Variants in LRP6 observed in about 807,000 individuals in gnomAD.
LRP6 encodes the protein low-density lipoprotein receptor-related protein 6.
In LRP6, 43 loss-of-function variants were observed where a neutral mutation model predicts 184.1. The observed-to-expected ratio is 0.23, with a 90% CI of 0.18 to 0.30. The LOEUF is 0.30. Ranked by LOEUF, LRP6 falls within the 10% of genes least tolerant of loss-of-function variation. The pLI, the probability that LRP6 is intolerant of heterozygous loss-of-function variation, is 1.00. For missense variants in LRP6, 1,571 were observed against 2,005.3 expected, an observed-to-expected ratio of 0.78 and a Z score of 4.14; for synonymous variants, 719 against 684.9, an observed-to-expected ratio of 1.05 and a Z score of -0.78.
intron 2 of LRP6, among the ~76,000 whole-genome samples, chr12:12,230,437 T>G (rs1446403800): frequency 1.3e-5 from 2 of 152,266 alleles, no homozygotes; most frequent in East Asian, 3.9e-4. Flanking sequence ...ACTAAAGGGA[T>G]GAAATTTCAC....
At chr12:12,135,563 G>C (rs1475758686) in intron 16 of LRP6, among the ~76,000 whole-genome samples, 1 of 150,400 alleles carries the variant, frequency 6.6e-6, no homozygotes, top group Non-Finnish European at 1.5e-5. Flanking sequence ...GTGTGATCTT[G>C]GCTCACTGCA....
In LRP6 at chr12:12,147,481, C is replaced by T; in HGVS notation, c.3282G>A (p.Glu1094=). 27 of 1,614,052 alleles carry T rather than the reference C, an allele frequency of 1.7e-5. No homozygotes were observed. The highest frequency in any genetic ancestry group is 2.2e-5 in the Non-Finnish European group (26 of 1,180,002). Residue 1094 remains glutamate, a synonymous_variant, in exon 15 of 23, where the codon GAG becomes GAA. Coordinates refer to ENST00000261349, the MANE Select transcript of LRP6 (RefSeq NM_002336.3). Reference sequence around the variant, plus strand: ...TACTTAAGCCACTGAAAAAGAGGACCTCCCGTTCTGTCCCATCCAAAGCAG... The same window carrying T: ...TACTTAAGCCACTGAAAAAGAGGACTTCCCGTTCTGTCCCATCCAAAGCAG... ...ERAALDGTER[E]VLFFSGLSKP... is the part of the protein sequence containing the mutation.
chr12:12,220,842 C>T (rs368061372), intron 2 of LRP6, among the ~76,000 whole-genome samples: 3 of 152,140 alleles, frequency 2.0e-5, no homozygotes, highest in African/African-American at 7.2e-5. Context: ...TAAAGTGATC[C>T]GCCCACCTCA....
At chr12:12,130,564 T>G (rs1276517100) in intron 19 of LRP6, among the ~76,000 whole-genome samples, 1 of 152,228 alleles carries the variant, frequency 6.6e-6, no homozygotes, top group South Asian at 2.1e-4. Flanking sequence ...TTCTAGTGCT[T>G]TACTAAATGT....
At chr12:12,243,907 C>T (rs550891474) in intron 2 of LRP6, among the ~76,000 whole-genome samples, 4 of 152,238 alleles carry the variant, frequency 2.6e-5, no homozygotes, top group South Asian at 2.1e-4. Context: ...TGCGCCACTA[C>T]GCCCAGCTAA....
intron 2 of LRP6, among the ~76,000 whole-genome samples, chr12:12,219,972 A>G (rs1020251150): frequency 1.1e-4 from 16 of 152,152 alleles, no homozygotes; most frequent in African/African-American, 3.9e-4. Flanking sequence ...AGCAACAGCT[A>G]ATTTACTCCA....
chr12:12,129,839 C>A (rs1446902058), intron 19 of LRP6, among the ~76,000 whole-genome samples: 3 of 152,240 alleles, frequency 2.0e-5, no homozygotes, highest in African/African-American at 4.8e-5. Context: ...TGTGAGCCAG[C>A]GCACTGGCAC....
intron 9 of LRP6, among the ~76,000 whole-genome samples, chr12:12,163,209 C>T (rs1862783338): frequency 2.6e-5 from 4 of 152,130 alleles, no homozygotes; most frequent in Non-Finnish European, 5.9e-5. Flanking sequence ...CTCGTGACCT[C>T]AGGTGATCCA....
chr12:12,130,254 T>C (rs554683460), intron 19 of LRP6, among the ~76,000 whole-genome samples: 2 of 151,052 alleles, frequency 1.3e-5, no homozygotes, highest in Non-Finnish European at 3.0e-5. Flanking sequence ...TGGTGTGATC[T>C]CGGCTCAATG....
intron 7 of LRP6, among the ~76,000 whole-genome samples, chr12:12,179,295 T>A (rs1318603787): frequency 6.6e-6 from 1 of 152,212 alleles, no homozygotes; most frequent in East Asian, 1.9e-4. Context: ...TAAAATTGTT[T>A]GCATGTAACC....
In LRP6 at chr12:12,124,618, G is replaced by A. The variant is rs1345564585; in HGVS notation, c.4494C>T (p.Tyr1498=). The A allele has an allele frequency of 5.0e-6, 8 of 1,613,788 alleles. No homozygotes were observed. Among genetic ancestry groups the A allele is most frequent in the Non-Finnish European group, 6.8e-6 (8 of 1,179,738 alleles). The change falls in exon 22 of 23, where the codon TAC becomes TAT. Residue 1498 remains tyrosine (Y), a synonymous_variant. Coordinates refer to ENST00000261349, the MANE Select transcript of LRP6 (RefSeq NM_002336.3). ...PPSPATERSH[Y]TMEFGYSSNS... ...TTGAAGAATATCCAAATTCCATAGTGTAATGTGATCGCTCTGTGGCTGGGG... is the reference window on the plus strand; with the variant it reads ...TTGAAGAATATCCAAATTCCATAGTATAATGTGATCGCTCTGTGGCTGGGG...
intron 15 of LRP6, 35 bp downstream of exon 15, chr12:12,147,331 T>A (rs1258745009): frequency 1.2e-6 from 2 of 1,608,060 alleles, no homozygotes. Context: ...TCTTAAAAAC[T>A]CAAATTAAAA....
At chr12:12,212,577 T>C (rs1027603073) in intron 2 of LRP6, among the ~76,000 whole-genome samples, 2 of 152,184 alleles carry the variant, frequency 1.3e-5, no homozygotes, top group African/African-American at 4.8e-5. Flanking sequence ...CCATACAGAT[T>C]TCCATAGCAA....
chr12:12,237,367 A>C (rs1008375017), intron 2 of LRP6, among the ~76,000 whole-genome samples: 1 of 152,230 alleles, frequency 6.6e-6, no homozygotes, highest in Non-Finnish European at 1.5e-5. Context: ...CAGAAGGAAT[A>C]ATGGAACTAG....
chr12:12,244,169 C>A, intron 2 of LRP6, 93 bp downstream of exon 2: 2 of 1,285,102 alleles, frequency 1.6e-6, no homozygotes, highest in South Asian at 2.5e-5. Flanking sequence ...TGTTTTCGAT[C>A]TTTCTTTTCT....
At chr12:12,260,329 G>T in intron 1 of LRP6, among the ~76,000 whole-genome samples, 1 of 149,134 alleles carries the variant, frequency 6.7e-6, no homozygotes, top group Admixed American at 6.7e-5. Context: ...AGTGAGCCGA[G>T]ATTACGCCAC....
chr12:12,195,146 T>C (rs1863718215), intron 3 of LRP6, among the ~76,000 whole-genome samples: 1 of 152,148 alleles, frequency 6.6e-6, no homozygotes, highest in Non-Finnish European at 1.5e-5. Flanking sequence ...CTACTGTAAA[T>C]AGTGCTGCAA....
At chr12:12,170,203 T>G (rs1276501249) in intron 7 of LRP6, among the ~76,000 whole-genome samples, 1 of 152,056 alleles carries the variant, frequency 6.6e-6, no homozygotes, top group Admixed American at 6.6e-5. Context: ...GGTGTGGAGA[T>G]GCACACCTGT....
At chr12:12,207,543 A>G (rs891746614) in intron 2 of LRP6, among the ~76,000 whole-genome samples, 3 of 152,042 alleles carry the variant, frequency 2.0e-5, no homozygotes, top group Admixed American at 6.6e-5. Flanking sequence ...AATATTAATA[A>G]TAATAACGCT....
Sources: gnomAD v4.1 joint callset for allele counts (sites outside exome capture counted in the v4.1 genomes callset) on GRCh38, gnomAD v4.1.1 for gene constraint, MANE v1.5 for transcripts, NCBI Gene and HGNC (gene_info 2026-07-23, HGNC 2026-07-21) for gene names.